The following RAB6A variants were observed in gnomAD, a reference collection of about 807,000 sequenced individuals.
The protein encoded by RAB6A is ras-related protein Rab-6A.
A neutral mutation model predicts 32.3 loss-of-function variants in RAB6A; 8 were observed. The observed-to-expected ratio is 0.25, with a 90% CI of 0.15 to 0.45. RAB6A has a LOEUF of 0.45. Ranked by LOEUF, RAB6A falls within the 20% of genes least tolerant of loss-of-function variation. The pLI is 1.00. For missense variants in RAB6A, 104 were observed against 249.4 expected, an observed-to-expected ratio of 0.42 and a Z score of 3.93; for synonymous variants, 73 against 82.1, an observed-to-expected ratio of 0.89 and a Z score of 0.60.
At chr11:73,681,580 A>C (rs528553233) in intron 6 of RAB6A, among the ~76,000 whole-genome samples, 2 of 152,246 alleles carry the variant, frequency 1.3e-5, no homozygotes, top group Non-Finnish European at 2.9e-5. Flanking sequence ...TGGGAGGCCA[A>C]GGAAGGCAGA....
rs564629959 is a variant in RAB6A at position 73,706,986 on chromosome 11, C to T, written c.495+434G>A. Among the ~76,000 whole-genome samples, 286 of 152,038 alleles carry T rather than the reference C, an allele frequency of 1.9e-3. 2 individuals carry two copies. Among genetic ancestry groups the T allele is most frequent in the African/African-American group, 6.8e-3 (281 of 41,472 alleles). ...ATACAAAATTAGCTGGGCATGGTGG[C>T]GCATGCCAGTAATCCCAGCTACCCG... On this transcript the variant is annotated intron_variant, in intron 6 of 7. Coordinates refer to ENST00000336083, the MANE Select transcript of RAB6A (RefSeq NM_198896.2).
intron 4 of RAB6A, among the ~76,000 whole-genome samples, chr11:73,718,038 A>T (rs1946077075): frequency 6.6e-6 from 1 of 152,192 alleles, no homozygotes; most frequent in African/African-American, 2.4e-5. Flanking sequence ...TTTTTCTTGG[A>T]GAGAAATGAA....
chr11:73,703,159 G>T (rs1945774156), intron 6 of RAB6A, among the ~76,000 whole-genome samples: 1 of 152,072 alleles, frequency 6.6e-6, no homozygotes, highest in South Asian at 2.1e-4. Flanking sequence ...TTCAACATGG[G>T]TTCAGGTGAA....
intron 2 of RAB6A, among the ~76,000 whole-genome samples, chr11:73,728,646 TA>T (rs2134968495): frequency 6.8e-6 from 1 of 148,142 alleles, no homozygotes; most frequent in Non-Finnish European, 1.5e-5. Flanking sequence ...ATAATAATAA[TA>T]AATGAAATAA....
At chr11:73,749,716 G>A (rs1298908960) in intron 1 of RAB6A, among the ~76,000 whole-genome samples, 1 of 152,158 alleles carries the variant, frequency 6.6e-6, no homozygotes, top group Non-Finnish European at 1.5e-5. Flanking sequence ...TTAAAAATTA[G>A]CCAGGTGTGG....
intron 5 of RAB6A, among the ~76,000 whole-genome samples, chr11:73,709,454 A>ATTATTATTT (rs1945905391): frequency 2.2e-5 from 3 of 134,602 alleles, no homozygotes; most frequent in Non-Finnish European, 5.0e-5. Flanking sequence ...TATTATTATT[A>ATTATTATTT]TTATTATTAC....
chr11:73,720,621 A>C (rs973186449), intron 3 of RAB6A, among the ~76,000 whole-genome samples: 1 of 152,232 alleles, frequency 6.6e-6, no homozygotes, highest in African/African-American at 2.4e-5. Context: ...ATTTCTTCAT[A>C]AAAATTCTCC....
At chr11:73,685,999 T>G (rs1945449499) in intron 6 of RAB6A, among the ~76,000 whole-genome samples, 1 of 150,994 alleles carries the variant, frequency 6.6e-6, no homozygotes, top group African/African-American at 2.4e-5. Context: ...TTTTGCCAAA[T>G]GTTATACAAT....
At chr11:73,699,539 G>C (rs1295390611) in intron 6 of RAB6A, among the ~76,000 whole-genome samples, 7 of 151,996 alleles carry the variant, frequency 4.6e-5, no homozygotes, top group African/African-American at 9.7e-5. Flanking sequence ...TCCCAACTCA[G>C]GCTCAGAGGT....
intron 6 of RAB6A, among the ~76,000 whole-genome samples, chr11:73,702,793 A>C (rs886703842): frequency 6.6e-5 from 10 of 152,074 alleles, no homozygotes; most frequent in African/African-American, 2.4e-4. Context: ...AACTCATCTA[A>C]TAGTCAATTT....
intron 1 of RAB6A, among the ~76,000 whole-genome samples, chr11:73,736,977 C>CAAAAAAA (rs535172648): frequency 3.1e-5 from 2 of 64,888 alleles, no homozygotes; most frequent in African/African-American, 6.5e-5. Flanking sequence ...GACACTGTCT[C>CAAAAAAA]AAAAAAAAAA....
chr11:73,730,703 AT>A (rs758114421), intron 2 of RAB6A, 61 bp downstream of exon 2: 1 of 1,336,142 alleles, frequency 7.5e-7, no homozygotes, highest in Non-Finnish European at 1.1e-6. Flanking sequence ...TTTTTTAAAA[AT>A]ATCTTGAATA....
intron 5 of RAB6A, among the ~76,000 whole-genome samples, chr11:73,707,739 T>C (rs1211297439): frequency 6.6e-6 from 1 of 152,202 alleles, no homozygotes; most frequent in Non-Finnish European, 1.5e-5. Flanking sequence ...TTGCTTTCAC[T>C]TGACTGGGCT....
intron 1 of RAB6A, among the ~76,000 whole-genome samples, chr11:73,754,499 A>G (rs1056445410): frequency 2.6e-5 from 4 of 152,264 alleles, no homozygotes; most frequent in African/African-American, 7.2e-5. Context: ...TGAATGCATA[A>G]GCAGCTATGC....
At chr11:73,709,019 A>C (rs906753105) in intron 5 of RAB6A, among the ~76,000 whole-genome samples, 1 of 152,200 alleles carries the variant, frequency 6.6e-6, no homozygotes, top group Non-Finnish European at 1.5e-5. Context: ...CTCTCTGTGT[A>C]TATAAATTTT....
chr11:73,737,388 CAGA>C (rs1408462896), intron 1 of RAB6A, among the ~76,000 whole-genome samples: 3 of 151,828 alleles, frequency 2.0e-5, no homozygotes, highest in Non-Finnish European at 4.4e-5. Context: ...CAGGCCGAAG[CAGA>C]AGGATTGCTT....
chr11:73,706,361 A>G (rs1183788037), intron 6 of RAB6A, among the ~76,000 whole-genome samples: 1 of 152,014 alleles, frequency 6.6e-6, no homozygotes, highest in Non-Finnish European at 1.5e-5. Flanking sequence ...TAAAAATACA[A>G]GACATTAGCC....
At chr11:73,709,437 A>ATATTATTAT (rs3046615) in intron 5 of RAB6A, among the ~76,000 whole-genome samples, 42,476 of 136,738 alleles carry the variant, frequency 0.31, 7,126 homozygotes, top group Non-Finnish European at 0.36. Context: ...CTCCTTAAGT[A>ATATTATTAT]TATTATTATT....
chr11:73,758,012 C>T (rs907681877), intron 1 of RAB6A, among the ~76,000 whole-genome samples: 4 of 152,166 alleles, frequency 2.6e-5, no homozygotes, highest in East Asian at 1.9e-4. Context: ...GTGGTAAATG[C>T]TATTAAGAAG....
Sources: gnomAD v4.1 joint callset for allele counts (sites outside exome capture counted in the v4.1 genomes callset) on GRCh38, gnomAD v4.1.1 for gene constraint, MANE v1.5 for transcripts, NCBI Gene and HGNC (gene_info 2026-07-23, HGNC 2026-07-21) for gene names.